RC3H1: variants seen among roughly 807,000 people sequenced by gnomAD.
RC3H1 encodes ring finger and CCCH-type domains 1.
A neutral mutation model predicts 138.2 loss-of-function variants in RC3H1; 50 were observed. The ratio of observed to expected loss-of-function variants is 0.36; its 90% CI spans 0.29 to 0.46. The LOEUF is 0.46. Ranked by LOEUF, RC3H1 falls within the 20% of genes least tolerant of loss-of-function variation. The pLI is 1.00. For missense variants in RC3H1, 1,031 were observed against 1,388.1 expected, an observed-to-expected ratio of 0.74 and a Z score of 4.09; for synonymous variants, 462 against 489.1, an observed-to-expected ratio of 0.94 and a Z score of 0.73.
At chr1:173,963,945 G>C in intron 11 of RC3H1, 28 bp downstream of exon 11, 1 of 1,580,724 alleles carries the variant, frequency 6.3e-7, no homozygotes, top group South Asian at 1.1e-5. Flanking sequence ...CCTAAGAAAA[G>C]TTAGCAATAT....
At chr1:173,974,812 G>A (rs965487777) in intron 7 of RC3H1, among the ~76,000 whole-genome samples, 6 of 152,104 alleles carry the variant, frequency 3.9e-5, no homozygotes, top group South Asian at 2.1e-4. Flanking sequence ...GGGTCGCTCC[G>A]GCTCTTTTGT....
chr1:173,990,267 G>A (rs1054534953), intron 2 of RC3H1, among the ~76,000 whole-genome samples: 8 of 151,694 alleles, frequency 5.3e-5, no homozygotes, highest in African/African-American at 1.2e-4. Context: ...TGGTAGAGAC[G>A]GGGTTTCACC....
At chr1:173,980,516 C>T (rs1171466282) in intron 6 of RC3H1, among the ~76,000 whole-genome samples, 1 of 151,678 alleles carries the variant, frequency 6.6e-6, no homozygotes, top group Admixed American at 6.6e-5. Context: ...GTTACTCTTA[C>T]TATTTGACTC....
chr1:173,933,114 C>T lies in RC3H1; in HGVS notation c.*5607G>A, dbSNP rs1406665386. On this transcript the variant is annotated 3_prime_UTR_variant, in exon 20 of 20. Coordinates refer to ENST00000367696, the MANE Select transcript of RC3H1 (RefSeq NM_172071.4). ...ACAGGATTTTATTTTTCTAAATACACATTTTTGGACACGATATTATGTTGA... is the reference window on the plus strand; with the variant it reads ...ACAGGATTTTATTTTTCTAAATACATATTTTTGGACACGATATTATGTTGA... 1 of 152,010 alleles carries T rather than the reference C, an allele frequency of 6.6e-6. No homozygotes were observed. The highest frequency in any genetic ancestry group is 2.4e-5 in the African/African-American group (1 of 41,410). The allele number at this position is 152,010 out of a possible 1,614,324, so 9.4% of individuals were successfully genotyped here. A position where few individuals can be genotyped will look rare whatever the true frequency, so the allele number is the denominator to read the frequency against.
chr1:174,019,365 T>C (rs1661917630), intron 1 of RC3H1, among the ~76,000 whole-genome samples: 1 of 152,192 alleles, frequency 6.6e-6, no homozygotes, highest in African/African-American at 2.4e-5. Flanking sequence ...GTGACACATG[T>C]GGTAGTGGCA....
rs1209819661 is a variant in RC3H1, at chr1:173,980,255, G to GAAA, written c.969+551_969+553dup. ...CAAGGAATTCTATCTTTAGAAATAGGAAAAAAAAAAAAAAAAAAAAGGTGG... is the reference window on the plus strand; with the variant it reads ...CAAGGAATTCTATCTTTAGAAATAGGAAAAAAAAAAAAAAAAAAAAAAAGGTGG... On this transcript the variant is annotated intron_variant, in intron 6 of 19. Coordinates refer to ENST00000367696, the MANE Select transcript of RC3H1 (RefSeq NM_172071.4). Among the ~76,000 whole-genome samples, 127 of 76,118 alleles carry GAAA rather than the reference G, an allele frequency of 1.7e-3. 1 individual carries two copies. The highest frequency in any genetic ancestry group is 6.3e-3 in the African/African-American group (122 of 19,404). 49.9% of individuals were successfully genotyped at this position (76,118 alleles called of 152,430 possible). A position where few individuals can be genotyped will look rare whatever the true frequency, so the allele number is the denominator to read the frequency against.
rs912178204 is a variant in RC3H1 at position 173,933,126 on chromosome 1, C to A, written c.*5595G>T. The stretch of plus-strand genomic sequence containing the variant: ...TTTTCTAAATACACATTTTTGGACA[C>A]GATATTATGTTGAGGTTTAAGTTCT... On this transcript the variant is annotated 3_prime_UTR_variant, in exon 20 of 20. Transcript: ENST00000367696. 2.0e-5 allele frequency: 3 copies of A among 151,978 alleles called. No individual in the cohort carries two copies. The highest frequency in any genetic ancestry group is 7.2e-5 in the African/African-American group (3 of 41,484). 9.4% of individuals were successfully genotyped at this position (151,978 alleles called of 1,614,324 possible).
intron 1 of RC3H1, among the ~76,000 whole-genome samples, chr1:174,018,199 T>C (rs914066850): frequency 1.3e-5 from 2 of 152,132 alleles, no homozygotes; most frequent in African/African-American, 4.8e-5. Flanking sequence ...AATATATACA[T>C]ACAGCATTGC....
At chr1:174,012,715 C>A (rs888792619) in intron 1 of RC3H1, among the ~76,000 whole-genome samples, 1 of 150,270 alleles carries the variant, frequency 6.7e-6, no homozygotes, top group Non-Finnish European at 1.5e-5. Context: ...ACCCAGGAGG[C>A]AGAGCTTGCA....
chr1:173,971,262 C>T (rs1660349959), intron 8 of RC3H1, among the ~76,000 whole-genome samples: 1 of 151,938 alleles, frequency 6.6e-6, no homozygotes, highest in African/African-American at 2.4e-5. Context: ...TGTGCCCAGC[C>T]CATTTCCACA....
intron 11 of RC3H1, 79 bp downstream of exon 11, chr1:173,963,894 T>C: frequency 8.6e-7 from 1 of 1,156,732 alleles, no homozygotes; most frequent in Non-Finnish European, 1.3e-6. Flanking sequence ...GAGGCTACTG[T>C]GTAAATGATC....
At chr1:173,955,314 GT>G (rs1659590103) in intron 13 of RC3H1, among the ~76,000 whole-genome samples, 1 of 147,174 alleles carries the variant, frequency 6.8e-6, no homozygotes, top group Non-Finnish European at 1.5e-5. Flanking sequence ...AGTAAGAGAT[GT>G]TGGCTTTTTT....
chr1:173,962,202 CTTAT>C, intron 11 of RC3H1, 107 bp from the exon 12 acceptor site: 2 of 1,087,250 alleles, frequency 1.8e-6, no homozygotes, highest in Non-Finnish European at 2.6e-6. Context: ...TGATAATCTA[CTTAT>C]TTCTTTACGA....
chr1:174,022,013 C>G lies in RC3H1; in HGVS notation c.-151+83G>C. 2.6e-6 allele frequency: 1 copy of G among 388,132 alleles called. No homozygotes were observed. Among genetic ancestry groups the G allele is most frequent in the Non-Finnish European group, 4.6e-6 (1 of 219,378 alleles). The allele number at this position is 388,132 out of a possible 1,614,324, so 24.0% of individuals were successfully genotyped here. ...AGGGCGGGCGAGGACAAACCCTTCCCGACCACAGCTGCCTATTGTTCCCGA... is the reference window on the plus strand; with the variant it reads ...AGGGCGGGCGAGGACAAACCCTTCCGGACCACAGCTGCCTATTGTTCCCGA... On this transcript the variant is annotated intron_variant, in intron 1 of 19. Coordinates refer to ENST00000367696, the MANE Select transcript of RC3H1 (RefSeq NM_172071.4). The surrounding 1 kb of genome is among the most constrained non-coding windows in gnomAD (Gnocchi z 4.2).
chr1:173,947,338 C>T, intron 15 of RC3H1, 31 bp downstream of exon 15: 2 of 1,482,580 alleles, frequency 1.3e-6, no homozygotes, highest in Non-Finnish European at 1.9e-6. Flanking sequence ...ATTATGAACC[C>T]TTTAGGTCAG....
chr1:173,969,742 A>T (rs901839286), intron 9 of RC3H1, among the ~76,000 whole-genome samples: 4 of 151,620 alleles, frequency 2.6e-5, no homozygotes, highest in East Asian at 1.9e-4. Flanking sequence ...AAAATAAAAA[A>T]AATTAAGAGG....
In RC3H1 at chr1:173,986,848, G is replaced by A. The variant is rs546581271; in HGVS notation, c.232-2229C>T. On this transcript the variant is annotated intron_variant, in intron 2 of 19. Coordinates refer to ENST00000367696, the MANE Select transcript of RC3H1 (RefSeq NM_172071.4). ...CAAAGCGCTGGGATTACAGGTGTGA[G>A]CCACTGCGCTAGCCCTTCAATATCT... Among the ~76,000 whole-genome samples the A allele has an allele frequency of 1.4e-4, 22 of 152,334 alleles. No homozygotes were observed. In the South Asian group the frequency reaches 4.6e-3, roughly 32 times the overall value.
chr1:173,969,426 T>C (rs1017526279), intron 9 of RC3H1: 1 of 151,868 alleles, frequency 6.6e-6, no homozygotes, highest in African/African-American at 2.4e-5. Flanking sequence ...CAGGGTGTTA[T>C]GCCCTTAGAC....
chr1:173,952,153 A>AG lies in RC3H1; in HGVS notation c.2371-16dup, dbSNP rs757522613. 5.7e-5 allele frequency: 86 copies of AG among 1,501,610 alleles called. No individual in the cohort carries two copies. The highest frequency in any genetic ancestry group is 2.8e-4 in the Admixed American group (12 of 43,264). 93.0% of individuals were successfully genotyped at this position (1,501,610 alleles called of 1,614,324 possible). A position where few individuals can be genotyped will look rare whatever the true frequency, so the allele number is the denominator to read the frequency against. ...TCATCCAAAAACTACAGATGGAGAA[A>AG]GAAAAAAAACAAAAAAAAAAAAAAG... On this transcript the variant is annotated splice_polypyrimidine_tract_variant and intron_variant, in intron 13 of 19. Coordinates refer to ENST00000367696, the MANE Select transcript of RC3H1 (RefSeq NM_172071.4).
Sources: allele counts gnomAD v4.1 joint callset (sites outside exome capture counted in the v4.1 genomes callset), GRCh38; gene constraint gnomAD v4.1.1; non-coding constraint Gnocchi (gnomAD v3.1); transcripts MANE v1.5; gene names NCBI Gene and HGNC (gene_info 2026-07-23, HGNC 2026-07-21).